ASXL2: variants seen among roughly 807,000 people sequenced by gnomAD.
The protein encoded by ASXL2 is ASXL transcriptional regulator 2.
ASXL2 carries 23 observed loss-of-function variants against 122.0 expected under a neutral mutation model. The ratio of observed to expected loss-of-function variants is 0.19; its 90% CI spans 0.14 to 0.27. ASXL2 has a LOEUF of 0.27. ASXL2 is among the 10% of genes least tolerant of loss of function. ASXL2 has a pLI of 1.00. For missense variants in ASXL2, 1,518 were observed against 1,713.8 expected (o/e 0.89, Z 2.02); for synonymous variants, 650 against 637.0 (o/e 1.02, Z -0.31).
chr2:25,871,559 G>C (rs751971331), intron 1 of ASXL2, among the ~76,000 whole-genome samples: 4 of 152,128 alleles, frequency 2.6e-5, no homozygotes, highest in Admixed American at 2.6e-4. Context: ...ATAAAAACAG[G>C]TCAGAAAAAA....
chr2:25,797,455 A>G (rs1172038479), intron 5 of ASXL2, among the ~76,000 whole-genome samples: 1 of 152,252 alleles, frequency 6.6e-6, no homozygotes, highest in Admixed American at 6.5e-5. Flanking sequence ...AAAACAAAAA[A>G]AGACAAGACA....
intron 6 of ASXL2, among the ~76,000 whole-genome samples, chr2:25,770,055 C>T (rs2088419422): frequency 6.6e-6 from 1 of 152,194 alleles, no homozygotes; most frequent in Non-Finnish European, 1.5e-5. Context: ...GCAATTAGAT[C>T]AGAAGATGTT....
chr2:25,842,703 TATAG>T lies in ASXL2; in HGVS notation c.140+2774_140+2777del, dbSNP rs61348346. On this transcript the variant is annotated intron_variant, in intron 2 of 12. Transcript: ENST00000435504. ...TTCTTCAAGTGTGTGTATATATATA[TATAG>T]ATAGATAGATAGATAGATGTATATA... Among the ~76,000 whole-genome samples, 627 of 150,270 alleles carry T rather than the reference TATAG, an allele frequency of 4.2e-3. 2 individuals are homozygous for T. Among genetic ancestry groups the T allele is most frequent in the South Asian group, 0.023 (109 of 4,774 alleles).
At chr2:25,835,292 T>A (rs545604516) in intron 3 of ASXL2, among the ~76,000 whole-genome samples, 1 of 152,240 alleles carries the variant, frequency 6.6e-6, no homozygotes, top group African/African-American at 2.4e-5. Context: ...TTGATTTTAA[T>A]AAACCTTAAT....
intron 2 of ASXL2, among the ~76,000 whole-genome samples, chr2:25,840,246 A>T (rs2089564310): frequency 6.6e-6 from 1 of 152,242 alleles, no homozygotes; most frequent in South Asian, 2.1e-4. Context: ...TAATTCTCAG[A>T]GTTCCATACT....
intron 8 of ASXL2, among the ~76,000 whole-genome samples, chr2:25,764,532 T>C (rs1173029282): frequency 2.0e-5 from 3 of 152,250 alleles, no homozygotes; most frequent in Non-Finnish European, 4.4e-5. Context: ...CTGGGCCACA[T>C]GCAGCCTGTG....
chr2:25,858,919 T>G (rs2089814055), intron 1 of ASXL2, among the ~76,000 whole-genome samples: 1 of 150,578 alleles, frequency 6.6e-6, no homozygotes, highest in Non-Finnish European at 1.5e-5. Flanking sequence ...GTTCAAGCAA[T>G]TCTCCTGTCT....
chr2:25,792,785 T>C (rs2088855230), intron 5 of ASXL2, among the ~76,000 whole-genome samples: 1 of 151,790 alleles, frequency 6.6e-6, no homozygotes, highest in Admixed American at 6.6e-5. Context: ...TTTGTATTTT[T>C]AGTAGAGAAG....
intron 1 of ASXL2, chr2:25,856,733 G>T: frequency 2.3e-6 from 3 of 1,306,496 alleles, no homozygotes; most frequent in Non-Finnish European, 3.3e-6. Context: ...AGCCGATCTG[G>T]TTGACCTTCA....
intron 5 of ASXL2, among the ~76,000 whole-genome samples, chr2:25,783,227 G>C (rs2088676239): frequency 6.6e-6 from 1 of 151,948 alleles, no homozygotes; most frequent in African/African-American, 2.4e-5. Context: ...TCTAACACAG[G>C]TCTACTTCTA....
At chr2:25,775,573 G>A (rs1313828263) in intron 5 of ASXL2, among the ~76,000 whole-genome samples, 1 of 152,144 alleles carries the variant, frequency 6.6e-6, no homozygotes, top group East Asian at 1.9e-4. Context: ...AGATCTGATG[G>A]TTTTTAAAGG....
chr2:25,840,212 A>T (rs1221681508), intron 2 of ASXL2, among the ~76,000 whole-genome samples: 1 of 152,216 alleles, frequency 6.6e-6, no homozygotes, highest in Non-Finnish European at 1.5e-5. Flanking sequence ...ATAAAAAAAT[A>T]AAAAAGGAAT....
At chr2:25,813,766 G>C (rs1302663432) in intron 3 of ASXL2, among the ~76,000 whole-genome samples, 1 of 152,228 alleles carries the variant, frequency 6.6e-6, no homozygotes, top group East Asian at 1.9e-4. Flanking sequence ...ACTACAAACT[G>C]TCGGCCGGGC....
intron 5 of ASXL2, among the ~76,000 whole-genome samples, chr2:25,799,032 C>G (rs2088953680): frequency 6.6e-6 from 1 of 152,082 alleles, no homozygotes; most frequent in Non-Finnish European, 1.5e-5. Context: ...GTGGGGAAGG[C>G]TGTGCATGTG....
chr2:25,796,121 C>A (rs1215932449), intron 5 of ASXL2, among the ~76,000 whole-genome samples: 2 of 152,082 alleles, frequency 1.3e-5, no homozygotes, highest in Non-Finnish European at 2.9e-5. Flanking sequence ...ACAGATGAGG[C>A]CATCAATTAT....
chr2:25,779,692 T>A (rs1478112083), intron 5 of ASXL2, among the ~76,000 whole-genome samples: 2 of 152,198 alleles, frequency 1.3e-5, no homozygotes, highest in Admixed American at 1.3e-4. Flanking sequence ...TTCTAGGAAG[T>A]ACATTAAAAA....
At chr2:25,838,616 G>T (rs2089540563) in intron 2 of ASXL2, among the ~76,000 whole-genome samples, 2 of 152,098 alleles carry the variant, frequency 1.3e-5, no homozygotes, top group African/African-American at 4.8e-5. Context: ...GTAATGACAA[G>T]AAGAAATATG....
At chr2:25,836,155 T>C (rs926767683) in intron 2 of ASXL2, among the ~76,000 whole-genome samples, 11 of 152,128 alleles carry the variant, frequency 7.2e-5, no homozygotes, top group South Asian at 2.1e-4. Context: ...CAAAGCAGGA[T>C]TGCTTGAGCC....
At chr2:25,866,900 T>A (rs913365452) in intron 1 of ASXL2, among the ~76,000 whole-genome samples, 1 of 149,978 alleles carries the variant, frequency 6.7e-6, no homozygotes, top group African/African-American at 2.5e-5. Flanking sequence ...GTCCAGCTAA[T>A]TTTTTTTTTA....
Sources: allele counts gnomAD v4.1 joint callset (sites outside exome capture counted in the v4.1 genomes callset), GRCh38; gene constraint gnomAD v4.1.1; transcripts MANE v1.5; gene names NCBI Gene and HGNC (gene_info 2026-07-23, HGNC 2026-07-21).